The following ZNF143 variants were observed in gnomAD, a reference collection of about 807,000 sequenced individuals.
The protein encoded by ZNF143 is SPH-binding factor.
In ZNF143, 49 loss-of-function variants were observed where a neutral mutation model predicts 74.1. The ratio of observed to expected loss-of-function variants is 0.66; its 90% CI spans 0.53 to 0.84. The LOEUF (loss-of-function observed/expected upper bound fraction) is 0.84, where lower values mean the gene tolerates loss of function less well. Ranked by LOEUF, ZNF143 falls within the 40% of genes least tolerant of loss-of-function variation. The pLI is 0.00. For synonymous variants in ZNF143, 304 were observed against 282.8 expected (o/e 1.07, Z -0.75); for missense variants, 637 against 793.4 (o/e 0.80, Z 2.37).
chr11:9,465,801 T>G (rs1297609282), intron 1 of ZNF143, among the ~76,000 whole-genome samples: 1 of 151,362 alleles, frequency 6.6e-6, no homozygotes, highest in Non-Finnish European at 1.5e-5. Flanking sequence ...CAAGGAAAAG[T>G]TTTTTGTTTT....
chr11:9,474,477 ACT>A, intron 4 of ZNF143, 71 bp from the exon 5 acceptor site: 2 of 1,445,222 alleles, frequency 1.4e-6, no homozygotes, highest in Non-Finnish European at 1.9e-6. Flanking sequence ...TGGTTTATTG[ACT>A]CTTGTTGCTA....
At chr11:9,515,663 AAAAAAG>A (rs1325841434) in intron 13 of ZNF143, among the ~76,000 whole-genome samples, 24 of 146,690 alleles carry the variant, frequency 1.6e-4, no homozygotes, top group Admixed American at 3.4e-4. Context: ...CAAAAAAAAA[AAAAAAG>A]AAAAAGAAAA....
chr11:9,500,674 G>A (rs1848127222), intron 10 of ZNF143, among the ~76,000 whole-genome samples: 1 of 152,116 alleles, frequency 6.6e-6, no homozygotes, highest in Admixed American at 6.5e-5. Context: ...TTTTTAAAGA[G>A]CAAAAATTAT....
intron 11 of ZNF143, among the ~76,000 whole-genome samples, chr11:9,502,456 A>G (rs1848201204): frequency 6.6e-6 from 1 of 150,738 alleles, no homozygotes; most frequent in African/African-American, 2.4e-5. Context: ...TAAAAACACA[A>G]AAAATTAGCC....
chr11:9,479,495 T>C lies in ZNF143; in HGVS notation c.594T>C (p.Ser198=). Reference sequence around the variant, plus strand: ...AGGTGTCCATTGATGGAAGTGAAAGTGTAGCAGGTACTGGAATGATTGGAG... The same window carrying C: ...AGGTGTCCATTGATGGAAGTGAAAGCGTAGCAGGTACTGGAATGATTGGAG... ...AAKVSIDGSE[S]VAGTGMIGEN... The change falls in exon 7 of 16, where the codon AGT becomes AGC. Residue 198 remains serine, a synonymous_variant. Transcript: ENST00000396602. The C allele has an allele frequency of 6.2e-7, 1 of 1,613,328 alleles. No homozygotes were observed. The highest frequency in any genetic ancestry group is 8.5e-7 in the Non-Finnish European group (1 of 1,179,762).
chr11:9,519,111 A>G (rs1848822678), intron 14 of ZNF143, among the ~76,000 whole-genome samples: 1 of 152,200 alleles, frequency 6.6e-6, no homozygotes, highest in Non-Finnish European at 1.5e-5. Flanking sequence ...CCTAAACAAA[A>G]TGTAGAACAT....
Position 9,525,287 on chromosome 11 carries a change from A to G in ZNF143, c.1734A>G (p.Ser578=), listed in dbSNP as rs1565072948. 1 of 1,614,216 alleles carries G rather than the reference A, an allele frequency of 6.2e-7. No homozygotes were observed. ...TGGCAGCATTCCATACTGCCTCATC[A>G]GAAATGGGGCACCAGCAGCATAGCC... The part of the protein sequence containing the change: ...QDLAAFHTAS[S]EMGHQQHSHH... Residue 578 remains serine, a synonymous_variant, in exon 15 of 16, where the codon TCA becomes TCG. Transcript: ENST00000396602.
intron 14 of ZNF143, among the ~76,000 whole-genome samples, chr11:9,521,824 G>A (rs186984705): frequency 6.6e-6 from 1 of 152,202 alleles, no homozygotes; most frequent in East Asian, 1.9e-4. Flanking sequence ...CCAGCACTTT[G>A]GGAGGCTGAG....
At chr11:9,509,595 G>A (rs1848470524) in intron 12 of ZNF143, among the ~76,000 whole-genome samples, 1 of 152,174 alleles carries the variant, frequency 6.6e-6, no homozygotes, top group Non-Finnish European at 1.5e-5. Context: ...TGAAAATTAA[G>A]AGAAGACATC....
intron 13 of ZNF143, among the ~76,000 whole-genome samples, chr11:9,513,157 C>T (rs1374188045): frequency 6.6e-6 from 1 of 152,188 alleles, no homozygotes; most frequent in Non-Finnish European, 1.5e-5. Context: ...ACCTTGATTC[C>T]ATTTTTAAGC....
chr11:9,519,476 A>G (rs1157825467), intron 14 of ZNF143, among the ~76,000 whole-genome samples: 1 of 152,136 alleles, frequency 6.6e-6, no homozygotes, highest in East Asian at 1.9e-4. Flanking sequence ...CATTACATAA[A>G]TGGAACCACA....
chr11:9,470,856 A>G (rs1458007476), intron 1 of ZNF143, among the ~76,000 whole-genome samples: 2 of 152,108 alleles, frequency 1.3e-5, no homozygotes, highest in Non-Finnish European at 2.9e-5. Context: ...ATAGTAATGC[A>G]GGTGAGAGAC....
rs541626673 is a variant in ZNF143, at chr11:9,527,680, G to A, written c.*67G>A. The A allele has an allele frequency of 1.4e-6, 2 of 1,475,770 alleles. No individual in the cohort carries two copies. The highest frequency in any genetic ancestry group is 2.8e-5 in the African/African-American group (2 of 71,590). 91.4% of individuals were successfully genotyped at this position (1,475,770 alleles called of 1,614,324 possible). On this transcript the variant is annotated 3_prime_UTR_variant, in exon 16 of 16. Coordinates refer to ENST00000396602, the MANE Select transcript of ZNF143 (RefSeq NM_003442.6). ...TCTTCTGGCAGCAGAAATCCATGAA[G>A]CCCGGGCCCAGGAAAATTAGAAGTT...
At chr11:9,514,469 C>A (rs1459069407) in intron 13 of ZNF143, among the ~76,000 whole-genome samples, 1 of 152,158 alleles carries the variant, frequency 6.6e-6, no homozygotes, top group African/African-American at 2.4e-5. Flanking sequence ...ACAGGAAGGG[C>A]AGTATCACAG....
At chr11:9,493,833 T>C (rs1847867221) in intron 7 of ZNF143, among the ~76,000 whole-genome samples, 1 of 152,250 alleles carries the variant, frequency 6.6e-6, no homozygotes, top group African/African-American at 2.4e-5. Context: ...TTTGGATTTT[T>C]ATGTTATTAC....
At chr11:9,500,491 C>T (rs1023766501) in intron 10 of ZNF143, among the ~76,000 whole-genome samples, 13 of 151,744 alleles carry the variant, frequency 8.6e-5, no homozygotes, top group Middle Eastern at 3.2e-3. Flanking sequence ...TGGAGTGCAA[C>T]GGTGTAATCT....
chr11:9,506,721 C>G (rs1848376712), intron 11 of ZNF143, among the ~76,000 whole-genome samples: 1 of 152,178 alleles, frequency 6.6e-6, no homozygotes, highest in African/African-American at 2.4e-5. Flanking sequence ...AAAAGATTGG[C>G]TAATGATCAG....
chr11:9,527,530 CT>C lies in ZNF143; in HGVS notation c.1836del (p.Gly613GlufsTer12), dbSNP rs1849172590. 6.2e-7 allele frequency: 1 copy of C among 1,613,830 alleles called. No individual in the cohort carries two copies. Among genetic ancestry groups the C allele is most frequent in the Non-Finnish European group, 8.5e-7 (1 of 1,179,860 alleles). ...TSNGTQIAVQ[L>X]GEQPSLEEAI... Reference sequence around the variant, plus strand: ...TTTGATGTGTGTGTTCCTGTTTCAGCTTGGAGAACAGCCATCTCTGGAAGAA... The same window carrying C: ...TTTGATGTGTGTGTTCCTGTTTCAGCTGGAGAACAGCCATCTCTGGAAGAA... On this transcript the variant is annotated frameshift_variant and splice_region_variant, in exon 16 of 16. Transcript: ENST00000396602. LOFTEE classifies it high-confidence loss of function.
At chr11:9,478,985 T>C (rs2133919147) in intron 6 of ZNF143, among the ~76,000 whole-genome samples, 1 of 152,068 alleles carries the variant, frequency 6.6e-6, no homozygotes, top group Non-Finnish European at 1.5e-5. Context: ...ATAAAAGAAA[T>C]AATAAAGTGT....
Sources: gnomAD v4.1 joint callset for allele counts (sites outside exome capture counted in the v4.1 genomes callset) on GRCh38, gnomAD v4.1.1 for gene constraint, MANE v1.5 for transcripts, NCBI Gene and HGNC (gene_info 2026-07-23, HGNC 2026-07-21) for gene names.